The following AGAP1 variants were observed in gnomAD, a reference collection of about 807,000 sequenced individuals.
AGAP1 encodes the protein ArfGAP with GTPase domain, ankyrin repeat and PH domain 1.
AGAP1 carries 29 observed loss-of-function variants against 105.3 expected under a neutral mutation model. That is an observed-to-expected ratio of 0.28 (90% confidence interval 0.21 to 0.38). AGAP1 has a LOEUF of 0.38. Ranked by LOEUF, AGAP1 falls within the 10% of genes least tolerant of loss-of-function variation. The pLI is 1.00. For missense variants in AGAP1, 998 were observed against 1,165.1 expected (o/e 0.86, Z 2.09); for synonymous variants, 509 against 485.9 (o/e 1.05, Z -0.63).
In AGAP1 at chr2:235,577,595, G is replaced by T. The variant is rs1281292045; in HGVS notation, c.163+82746G>T. Reference sequence around the variant, plus strand: ...GTCCCTTGCTGCCCGGAGCATGGCTGTGTGGCTGCCTGACTACATGGTTCT... The same window carrying T: ...GTCCCTTGCTGCCCGGAGCATGGCTTTGTGGCTGCCTGACTACATGGTTCT... On this transcript the variant is annotated intron_variant, in intron 1 of 17. Transcript: ENST00000304032. This position sits in a 1 kb window ranked among gnomAD's most constrained non-coding sequence, Gnocchi z 4.5. Among the ~76,000 whole-genome samples the T allele has an allele frequency of 4.6e-5, 7 of 152,294 alleles. No homozygotes were observed. In the South Asian group the frequency reaches 1.5e-3, roughly 32 times the overall value.
rs192185364 is a variant in AGAP1 at position 236,003,264 on chromosome 2, C to T, written c.1646-33297C>T. Among the ~76,000 whole-genome samples, 2 of 152,136 alleles carry T rather than the reference C, an allele frequency of 1.3e-5. No individual in the cohort carries two copies. The highest frequency in any genetic ancestry group is 1.5e-5 in the Non-Finnish European group (1 of 68,026). ...TTTGCCATGTTGCCCAGGCTGGTCT[C>T]GAACTCCTGGCCTCAGGTGATCTGC... On this transcript the variant is annotated intron_variant, in intron 13 of 17. Coordinates refer to ENST00000304032, the MANE Select transcript of AGAP1 (RefSeq NM_001037131.3). This position sits in a 1 kb window ranked among gnomAD's most constrained non-coding sequence, Gnocchi z 4.2.
At chr2:235,975,305 A>G (rs2054813044) in intron 13 of AGAP1, among the ~76,000 whole-genome samples, 1 of 152,088 alleles carries the variant, frequency 6.6e-6, no homozygotes, top group African/African-American at 2.4e-5. Context: ...GGCACTTTGG[A>G]GAGAAATTAA....
In AGAP1 at chr2:235,931,607, G is replaced by A. The variant is rs2052724938; in HGVS notation, c.1483+684G>A. On this transcript the variant is annotated intron_variant, in intron 12 of 17. Coordinates refer to ENST00000304032, the MANE Select transcript of AGAP1 (RefSeq NM_001037131.3). This position sits in a 1 kb window ranked among gnomAD's most constrained non-coding sequence, Gnocchi z 5.6. ...CGTTTTGTCTCTGGCCTGTTCACCG[G>A]TATTTAAAGGAATTCCCACTGTTGT... 1.3e-5 allele frequency among the ~76,000 whole-genome samples: 2 copies of A among 152,010 alleles called. No individual in the cohort carries two copies. Among genetic ancestry groups the A allele is most frequent in the Admixed American group, 6.6e-5 (1 of 15,258 alleles).
At position 235,569,983 on chromosome 2, in the gene AGAP1, A is replaced by G. The variant is rs576530300; in HGVS notation, c.163+75134A>G. Among the ~76,000 whole-genome samples the G allele has an allele frequency of 5.9e-5, 9 of 152,300 alleles. No individual in the cohort carries two copies. The highest frequency in any genetic ancestry group is 1.9e-4 in the African/African-American group (8 of 41,564). On this transcript the variant is annotated intron_variant, in intron 1 of 17. Transcript: ENST00000304032. This position sits in a 1 kb window ranked among gnomAD's most constrained non-coding sequence, Gnocchi z 5.9. ...CATGGTGTGACTGGCCCGGGATCCA[A>G]ATTATTTGCAGCGCCTGTCGTCTTT... is the stretch of plus-strand genomic sequence containing the variant.
rs774127175 is a variant in AGAP1, at chr2:236,096,500, CAA to C, written c.2115-23681_2115-23680del. ...TTGGGGACAGAGTGAGCCTCCATCT[CAA>C]AAAAAAAAAAGCTTCTGGAATGTCA... On this transcript the variant is annotated intron_variant, in intron 16 of 17. Transcript: ENST00000304032. This position sits in a 1 kb window ranked among gnomAD's most constrained non-coding sequence, Gnocchi z 4.4. 7.8e-6 allele frequency among the ~76,000 whole-genome samples: 1 copy of C among 127,768 alleles called. No homozygotes were observed. The highest frequency in any genetic ancestry group is 1.7e-5 in the Non-Finnish European group (1 of 58,882). 83.8% of individuals were successfully genotyped at this position (127,768 alleles called of 152,430 possible). A position where few individuals can be genotyped will look rare whatever the true frequency, so the allele number is the denominator to read the frequency against.
rs6431421 is a variant in AGAP1 at position 236,040,475 on chromosome 2, A to G, written c.1801-276A>G. 0.2 allele frequency: 95,890 copies of G among 488,526 alleles called. 12,414 individuals are homozygous for G. Among genetic ancestry groups the G allele is most frequent in the African/African-American group, 0.43 (21,919 of 50,586 alleles). The allele number at this position is 488,526 out of a possible 1,614,324, so 30.3% of individuals were successfully genotyped here. ...TACCATGGTCCATGCGTATTCACAGATGATCCAGAACTCTCCTCTTTGCTC... is the reference window on the plus strand; with the variant it reads ...TACCATGGTCCATGCGTATTCACAGGTGATCCAGAACTCTCCTCTTTGCTC... On this transcript the variant is annotated intron_variant, in intron 14 of 17. Coordinates refer to ENST00000304032, the MANE Select transcript of AGAP1 (RefSeq NM_001037131.3). This position sits in a 1 kb window ranked among gnomAD's most constrained non-coding sequence, Gnocchi z 5.6.
intron 12 of AGAP1, among the ~76,000 whole-genome samples, chr2:235,949,810 GT>G (rs1403056211): frequency 8.5e-5 from 13 of 152,248 alleles, no homozygotes; most frequent in Non-Finnish European, 1.0e-4. Context: ...CCCTGTGCTC[GT>G]CTCTGATCAC....
In AGAP1 at chr2:236,058,040, T is replaced by C. The variant is rs2058095751; in HGVS notation, c.2114+8759T>C. On this transcript the variant is annotated intron_variant, in intron 16 of 17. Transcript: ENST00000304032. The surrounding 1 kb of genome is among the most constrained non-coding windows in gnomAD (Gnocchi z 4.6). ...ATATAATGGTTTATTGCAGCATCAG[T>C]ATCACATGGAAAGGTATATTCTTGA... 6.6e-6 allele frequency among the ~76,000 whole-genome samples: 1 copy of C among 152,136 alleles called. No homozygotes were observed. The highest frequency in any genetic ancestry group is 2.4e-5 in the African/African-American group (1 of 41,430).
At chr2:235,667,786 C>A (rs1022030135) in intron 1 of AGAP1, among the ~76,000 whole-genome samples, 1 of 151,712 alleles carries the variant, frequency 6.6e-6, no homozygotes, top group Non-Finnish European at 1.5e-5. Flanking sequence ...TGGTGAAACC[C>A]CATCTCTACT....
In AGAP1 at chr2:235,511,685, G is replaced by A. The variant is rs185533541; in HGVS notation, c.163+16836G>A. Among the ~76,000 whole-genome samples, 11 of 152,234 alleles carry A rather than the reference G, an allele frequency of 7.2e-5. No homozygotes were observed. In the East Asian group the frequency reaches 1.5e-3, roughly 21 times the overall value. On this transcript the variant is annotated intron_variant, in intron 1 of 17. Transcript: ENST00000304032. ...ATATATAAATCTTTTTGACAATTCC[G>A]CATTCAAGAGAGTTCCCCTGGCAGT...
chr2:235,831,853 G>A (rs1959451203), intron 9 of AGAP1, among the ~76,000 whole-genome samples: 1 of 152,182 alleles, frequency 6.6e-6, no homozygotes, highest in African/African-American at 2.4e-5. Context: ...AGATTGTATG[G>A]TAAGAATGTT....
In AGAP1 at chr2:236,126,852, G is replaced by A. The variant is rs779762203; in HGVS notation, c.*2730G>A. 2.0e-5 allele frequency: 3 copies of A among 152,312 alleles called. No individual in the cohort carries two copies. The highest frequency in any genetic ancestry group is 7.2e-5 in the African/African-American group (3 of 41,560). 9.4% of individuals were successfully genotyped at this position (152,312 alleles called of 1,614,324 possible). On this transcript the variant is annotated 3_prime_UTR_variant, in exon 18 of 18. Transcript: ENST00000304032. ...GTCTAACCAGAAGTCCTTTCTTTGCGGACCGCACTCTCGTTCCCACTTTCA... is the reference window on the plus strand; with the variant it reads ...GTCTAACCAGAAGTCCTTTCTTTGCAGACCGCACTCTCGTTCCCACTTTCA...
At chr2:235,678,145 C>T (rs1240020083) in intron 1 of AGAP1, among the ~76,000 whole-genome samples, 1 of 152,066 alleles carries the variant, frequency 6.6e-6, no homozygotes, top group Non-Finnish European at 1.5e-5. Flanking sequence ...GTTGACAGCT[C>T]CAAGATATTT....
At chr2:235,898,719 C>T (rs1416770180) in intron 10 of AGAP1, among the ~76,000 whole-genome samples, 4 of 152,118 alleles carry the variant, frequency 2.6e-5, no homozygotes, top group African/African-American at 9.7e-5. Flanking sequence ...AGTGAACCCT[C>T]GCAACAGTAT....
At chr2:235,815,515 C>T (rs1958402737) in intron 9 of AGAP1, among the ~76,000 whole-genome samples, 2 of 152,122 alleles carry the variant, frequency 1.3e-5, no homozygotes, top group Admixed American at 6.5e-5. Context: ...CGTATTTCAT[C>T]CTGTAACACA....
rs1006750059 is a variant in AGAP1 at position 236,042,021 on chromosome 2, T to C, written c.1891+1180T>C. 7.2e-5 allele frequency among the ~76,000 whole-genome samples: 11 copies of C among 152,172 alleles called. No individual in the cohort carries two copies. The highest frequency in any genetic ancestry group is 5.9e-5 in the Non-Finnish European group (4 of 68,040). On this transcript the variant is annotated intron_variant, in intron 15 of 17. Transcript: ENST00000304032. The surrounding 1 kb of genome is among the most constrained non-coding windows in gnomAD (Gnocchi z 5.6). The stretch of plus-strand genomic sequence containing the variant: ...TTTGGGCTGGAAAACCAGTAGAAGC[T>C]AGTTGGAGTGTGAGTGCCAAGTGAA...
At chr2:235,554,555 G>A (rs926289117) in intron 1 of AGAP1, among the ~76,000 whole-genome samples, 9 of 152,232 alleles carry the variant, frequency 5.9e-5, no homozygotes, top group Non-Finnish European at 1.3e-4. Context: ...CAGCTTTAGG[G>A]AGGATGGTCC....
intron 9 of AGAP1, among the ~76,000 whole-genome samples, chr2:235,861,044 A>G (rs183269930): frequency 6.6e-6 from 1 of 152,314 alleles, no homozygotes; most frequent in Non-Finnish European, 1.5e-5. Context: ...TGAGCCCACT[A>G]ATATGTTACA....
At position 235,719,907 on chromosome 2, in the gene AGAP1, T is replaced by C. The variant is rs1249993746; in HGVS notation, c.310+2263T>C. ...AGAATTATGAATACATGGCTCCTTG[T>C]GCCTGGAAGCTTCTTAGTCCTGCTG... On this transcript the variant is annotated intron_variant, in intron 3 of 17. Coordinates refer to ENST00000304032, the MANE Select transcript of AGAP1 (RefSeq NM_001037131.3). The surrounding 1 kb of genome is among the most constrained non-coding windows in gnomAD (Gnocchi z 4.9). Among the ~76,000 whole-genome samples the C allele has an allele frequency of 6.6e-6, 1 of 152,234 alleles. No homozygotes were observed. The highest frequency in any genetic ancestry group is 1.5e-5 in the Non-Finnish European group (1 of 68,042).
Sources: allele counts gnomAD v4.1 joint callset (sites outside exome capture counted in the v4.1 genomes callset), GRCh38; gene constraint gnomAD v4.1.1; non-coding constraint Gnocchi (gnomAD v3.1); transcripts MANE v1.5; gene names NCBI Gene and HGNC (gene_info 2026-07-23, HGNC 2026-07-21).